SORCS3: variants seen among roughly 807,000 people sequenced by gnomAD.
SORCS3 encodes VPS10 domain-containing receptor SorCS3.
SORCS3 carries 57 observed loss-of-function variants against 146.3 expected under a neutral mutation model. The observed-to-expected ratio is 0.39, with a 90% CI of 0.31 to 0.49. The LOEUF (loss-of-function observed/expected upper bound fraction) is 0.49. Among genes scored for constraint, SORCS3 ranks in the 20% least tolerant of loss-of-function variants. The pLI, the probability that SORCS3 is intolerant of heterozygous loss-of-function variation, is 0.92. For synonymous variants in SORCS3, 653 were observed against 618.5 expected, an observed-to-expected ratio of 1.06 and a Z score of -0.83; for missense variants, 1,341 against 1,575.5, an observed-to-expected ratio of 0.85 and a Z score of 2.52.
At chr10:104,985,959 T>C (rs764134797) in intron 4 of SORCS3, among the ~76,000 whole-genome samples, 1 of 152,148 alleles carries the variant, frequency 6.6e-6, no homozygotes, top group Non-Finnish European at 1.5e-5. Flanking sequence ...CCCTAGGATT[T>C]TTCAAATCAT....
At chr10:104,723,925 A>T (rs995780771) in intron 1 of SORCS3, among the ~76,000 whole-genome samples, 8 of 152,218 alleles carry the variant, frequency 5.3e-5, no homozygotes, top group African/African-American at 1.2e-4. Context: ...TTGACTCTTT[A>T]TCCAGTTTGC....
intron 1 of SORCS3, among the ~76,000 whole-genome samples, chr10:104,736,717 A>C (rs994760522): frequency 6.6e-6 from 1 of 151,266 alleles, no homozygotes; most frequent in African/African-American, 2.4e-5. Flanking sequence ...TCTTTTCAAA[A>C]TACTTCAATC....
At chr10:104,890,806 C>A (rs189480476) in intron 2 of SORCS3, among the ~76,000 whole-genome samples, 3 of 152,294 alleles carry the variant, frequency 2.0e-5, no homozygotes, top group Admixed American at 2.0e-4. Flanking sequence ...AAATGCCAGT[C>A]CCATCTTCAG....
At chr10:105,002,309 T>C (rs1046647481) in intron 4 of SORCS3, among the ~76,000 whole-genome samples, 13 of 152,214 alleles carry the variant, frequency 8.5e-5, no homozygotes, top group African/African-American at 3.1e-4. Flanking sequence ...GACAGGTTCA[T>C]GCATTTAATT....
chr10:105,048,709 A>C (rs1385901726), intron 5 of SORCS3, among the ~76,000 whole-genome samples: 1 of 152,062 alleles, frequency 6.6e-6, no homozygotes, highest in African/African-American at 2.4e-5. Flanking sequence ...AAGTGGTGAT[A>C]ATGAAAAAGA....
At chr10:105,186,680 T>C (rs556015640) in intron 14 of SORCS3, among the ~76,000 whole-genome samples, 81 of 152,006 alleles carry the variant, frequency 5.3e-4, no homozygotes, top group South Asian at 1.0e-3. Context: ...GTCAGGAGTT[T>C]GAGACCAGCT....
intron 2 of SORCS3, among the ~76,000 whole-genome samples, chr10:104,857,943 A>G (rs1419080209): frequency 6.6e-6 from 1 of 152,196 alleles, no homozygotes; most frequent in African/African-American, 2.4e-5. Flanking sequence ...ATGCAAACGG[A>G]AGAATTTGGA....
intron 1 of SORCS3, among the ~76,000 whole-genome samples, chr10:104,768,415 T>G (rs770350506): frequency 2.0e-5 from 3 of 152,234 alleles, no homozygotes. Flanking sequence ...AAAAACTGTG[T>G]CCTACTTTTT....
intron 3 of SORCS3, among the ~76,000 whole-genome samples, chr10:104,928,697 T>TC (rs1393404793): frequency 6.6e-6 from 1 of 152,070 alleles, no homozygotes; most frequent in African/African-American, 2.4e-5. Context: ...TGTCCTGGGA[T>TC]CCTCGGGTCT....
At chr10:104,677,635 C>A (rs141918636) in intron 1 of SORCS3, among the ~76,000 whole-genome samples, 19 of 152,174 alleles carry the variant, frequency 1.2e-4, no homozygotes, top group Admixed American at 5.9e-4. Flanking sequence ...AAACATTAAA[C>A]ACCCTTTGGT....
chr10:105,009,523 CAAACAA>C (rs1564733961), intron 4 of SORCS3, among the ~76,000 whole-genome samples: 25 of 48,992 alleles, frequency 5.1e-4, no homozygotes, highest in African/African-American at 1.5e-3. Context: ...AACAAACAAA[CAAACAA>C]AAAAAAAAAA....
chr10:104,677,293 G>A (rs1007119459), intron 1 of SORCS3, among the ~76,000 whole-genome samples: 5 of 152,064 alleles, frequency 3.3e-5, no homozygotes, highest in African/African-American at 4.8e-5. Context: ...CTCCCCTGTC[G>A]GTTTGCTTTC....
intron 2 of SORCS3, among the ~76,000 whole-genome samples, chr10:104,860,621 A>G (rs1395675306): frequency 6.6e-6 from 1 of 152,204 alleles, no homozygotes; most frequent in East Asian, 1.9e-4. Flanking sequence ...AGCAGCATCA[A>G]TAATAATGCT....
At chr10:104,851,784 C>G (rs1003153409) in intron 2 of SORCS3, among the ~76,000 whole-genome samples, 1 of 152,174 alleles carries the variant, frequency 6.6e-6, no homozygotes, top group Non-Finnish European at 1.5e-5. Context: ...ATTAGGTAGT[C>G]AAACTTTCAT....
At chr10:105,170,329 ACT>A (rs1296395836) in intron 13 of SORCS3, among the ~76,000 whole-genome samples, 6 of 151,946 alleles carry the variant, frequency 3.9e-5, no homozygotes, top group Non-Finnish European at 7.4e-5. Flanking sequence ...CCAAATCATG[ACT>A]CTCAAAGTCA....
chr10:104,725,347 A>T (rs1382011454), intron 1 of SORCS3, among the ~76,000 whole-genome samples: 1 of 152,168 alleles, frequency 6.6e-6, no homozygotes, highest in Non-Finnish European at 1.5e-5. Context: ...GTTTTGTCTC[A>T]GAGGAGTACC....
intron 2 of SORCS3, among the ~76,000 whole-genome samples, chr10:104,846,114 G>T (rs573224935): frequency 1.3e-5 from 2 of 152,260 alleles, no homozygotes; most frequent in East Asian, 3.9e-4. Context: ...TTTTGTGTTA[G>T]GTTTCAGGAG....
intron 16 of SORCS3, among the ~76,000 whole-genome samples, chr10:105,207,303 T>TTATTATTATTATTA (rs1564784888): frequency 1.3e-5 from 2 of 148,392 alleles, no homozygotes; most frequent in African/African-American, 2.5e-5. Context: ...ATTATTATTA[T>TTATTATTATTATTA]TTCTAAACTG....
chr10:105,110,022 T>C (rs2133756561), intron 7 of SORCS3, among the ~76,000 whole-genome samples: 1 of 152,180 alleles, frequency 6.6e-6, no homozygotes, highest in African/African-American at 2.4e-5. Flanking sequence ...CTAGGATGTG[T>C]ACACTAGACA....
Sources: gnomAD v4.1 joint callset for allele counts (sites outside exome capture counted in the v4.1 genomes callset) on GRCh38, gnomAD v4.1.1 for gene constraint, MANE v1.5 for transcripts, NCBI Gene and HGNC (gene_info 2026-07-23, HGNC 2026-07-21) for gene names.